PHF21A: variants seen among roughly 807,000 people sequenced by gnomAD.
PHF21A encodes BHC80a.
Under a neutral mutation model 82.5 loss-of-function variants are expected in PHF21A, and 11 were observed. The observed-to-expected ratio is 0.13, with a 90% CI of 0.08 to 0.22. The LOEUF (loss-of-function observed/expected upper bound fraction) is 0.22, where lower values mean the gene tolerates loss of function less well. Ranked by LOEUF, PHF21A falls within the 10% of genes least tolerant of loss-of-function variation. The pLI, the probability that PHF21A is intolerant of heterozygous loss-of-function variation, is 1.00. For missense variants in PHF21A, 579 were observed against 837.8 expected (o/e 0.69, Z 3.81); for synonymous variants, 297 against 302.8 (o/e 0.98, Z 0.20).
At chr11:46,010,065 C>T (rs1476635820) in intron 6 of PHF21A, among the ~76,000 whole-genome samples, 1 of 152,044 alleles carries the variant, frequency 6.6e-6, no homozygotes, top group Non-Finnish European at 1.5e-5. Context: ...GTTGCTTAAC[C>T]ATATCATACT....
intron 3 of PHF21A, among the ~76,000 whole-genome samples, chr11:46,086,433 A>G (rs1024979569): frequency 1.2e-4 from 18 of 152,176 alleles, no homozygotes; most frequent in Non-Finnish European, 1.5e-5. Context: ...ATTATCTTTT[A>G]AAATATTTGG....
chr11:45,956,033 C>T (rs1215247457), intron 10 of PHF21A, among the ~76,000 whole-genome samples: 1 of 152,048 alleles, frequency 6.6e-6, no homozygotes, highest in African/African-American at 2.4e-5. Context: ...AAGTGCTGAG[C>T]AAAAAAACCC....
intron 6 of PHF21A, among the ~76,000 whole-genome samples, chr11:45,988,431 C>T (rs1330376113): frequency 1.3e-5 from 2 of 152,138 alleles, no homozygotes; most frequent in East Asian, 1.9e-4. Context: ...ATTTGCCTTA[C>T]ATTTAAACAA....
intron 1 of PHF21A, among the ~76,000 whole-genome samples, chr11:46,099,174 C>T (rs940223857): frequency 7.9e-5 from 12 of 151,890 alleles, no homozygotes; most frequent in African/African-American, 2.9e-4. Flanking sequence ...TTAAAACAAC[C>T]AAATTTTAAA....
chr11:45,933,814 G>T lies in PHF21A; in HGVS notation c.*154C>A. 3.0e-6 allele frequency: 2 copies of T among 656,574 alleles called. No homozygotes were observed. The highest frequency in any genetic ancestry group is 2.5e-6 in the Non-Finnish European group (1 of 408,058). 40.7% of individuals were successfully genotyped at this position (656,574 alleles called of 1,614,324 possible). A position where few individuals can be genotyped will look rare whatever the true frequency, so the allele number is the denominator to read the frequency against. On this transcript the variant is annotated 3_prime_UTR_variant, in exon 19 of 19. Coordinates refer to ENST00000676320, the MANE Select transcript of PHF21A (RefSeq NM_001352027.3). ...TAAGAAGGATCAATTGGCAAACTCT[G>T]GTGCCACCTGGCACAAGCATCTTCT...
chr11:45,963,770 GTTCT>G (rs1197528577), intron 10 of PHF21A, among the ~76,000 whole-genome samples: 9 of 152,162 alleles, frequency 5.9e-5, no homozygotes, highest in Non-Finnish European at 1.3e-4. Flanking sequence ...CTCCTCAGAG[GTTCT>G]TTGAGAGCCA....
intron 9 of PHF21A, among the ~76,000 whole-genome samples, chr11:45,967,375 A>G (rs1281834203): frequency 6.6e-6 from 1 of 152,110 alleles, no homozygotes; most frequent in Non-Finnish European, 1.5e-5. Context: ...CTTAAAAAAA[A>G]AAAAAAAAAT....
At chr11:46,013,591 T>C (rs2095454669) in intron 6 of PHF21A, among the ~76,000 whole-genome samples, 1 of 152,166 alleles carries the variant, frequency 6.6e-6, no homozygotes, top group Non-Finnish European at 1.5e-5. Flanking sequence ...TGTTGCTTAA[T>C]AACAGGGATA....
chr11:45,982,154 G>A (rs1484855375), intron 6 of PHF21A, among the ~76,000 whole-genome samples: 4 of 151,654 alleles, frequency 2.6e-5, no homozygotes, highest in Admixed American at 6.6e-5. Context: ...ATGGGGTTTC[G>A]CCATGTTGCC....
intron 6 of PHF21A, among the ~76,000 whole-genome samples, chr11:46,012,685 T>C (rs1176274068): frequency 1.3e-5 from 2 of 152,204 alleles, no homozygotes; most frequent in Non-Finnish European, 2.9e-5. Context: ...TCTATATCTC[T>C]AGTGCTGGCC....
At position 45,946,065 on chromosome 11, in the gene PHF21A, A is replaced by T. The variant is rs1229776457; in HGVS notation, c.1289-62T>A. 3.1e-6 allele frequency: 5 copies of T among 1,614,032 alleles called. No individual in the cohort carries two copies. The East Asian group carries it at 8.9e-5, about 29-fold the overall frequency. ...GGGAGGGAAAGAGAGGGGGAAAATGATCTTACATACCTTTGGCCAGTGTTC... is the reference window on the plus strand; with the variant it reads ...GGGAGGGAAAGAGAGGGGGAAAATGTTCTTACATACCTTTGGCCAGTGTTC... On this transcript the variant is annotated intron_variant, in intron 14 of 18. Transcript: ENST00000676320.
intron 6 of PHF21A, among the ~76,000 whole-genome samples, chr11:46,071,757 TATC>T (rs2096659007): frequency 6.6e-6 from 1 of 151,500 alleles, no homozygotes; most frequent in Admixed American, 6.6e-5. Context: ...GGAAACACCC[TATC>T]ATCAAGAGAA....
At chr11:46,095,014 T>A (rs1164128269) in intron 1 of PHF21A, among the ~76,000 whole-genome samples, 1 of 152,216 alleles carries the variant, frequency 6.6e-6, no homozygotes, top group Non-Finnish European at 1.5e-5. Flanking sequence ...TCAGCATAGG[T>A]ACACCTTTCT....
At chr11:46,005,625 G>A (rs7926314) in intron 6 of PHF21A, among the ~76,000 whole-genome samples, 1 of 151,862 alleles carries the variant, frequency 6.6e-6, no homozygotes, top group Non-Finnish European at 1.5e-5. Flanking sequence ...AACTATCAAC[G>A]ATCCTTTTAC....
intron 4 of PHF21A, among the ~76,000 whole-genome samples, chr11:46,082,964 T>C (rs2096810681): frequency 6.6e-6 from 1 of 152,146 alleles, no homozygotes; most frequent in Non-Finnish European, 1.5e-5. Context: ...TCCACACAAA[T>C]TTCAGATTGA....
chr11:46,000,983 C>T (rs1380479107), intron 6 of PHF21A, among the ~76,000 whole-genome samples: 5 of 151,940 alleles, frequency 3.3e-5, no homozygotes, highest in African/African-American at 9.7e-5. Flanking sequence ...CATTGTTTCA[C>T]GTTCAGAGGT....
chr11:45,974,638 A>T (rs1287128996), intron 7 of PHF21A, among the ~76,000 whole-genome samples: 1 of 151,784 alleles, frequency 6.6e-6, no homozygotes, highest in Non-Finnish European at 1.5e-5. Flanking sequence ...TATTTTTAGT[A>T]GAGACGTGAT....
intron 6 of PHF21A, chr11:46,049,345 T>C: frequency 2.3e-6 from 1 of 430,652 alleles, no homozygotes; most frequent in Middle Eastern, 3.4e-4. Context: ...TGAAATTTCT[T>C]ATGCCCTCAC....
intron 7 of PHF21A, among the ~76,000 whole-genome samples, chr11:45,977,131 CTTTGATTTT>C (rs1200687797): frequency 6.7e-6 from 1 of 150,062 alleles, no homozygotes. Flanking sequence ...GAAATGCTTC[CTTTGATTTT>C]TTTTTTTTTT....
Sources: allele counts gnomAD v4.1 joint callset (sites outside exome capture counted in the v4.1 genomes callset), GRCh38; gene constraint gnomAD v4.1.1; transcripts MANE v1.5; gene names NCBI Gene and HGNC (gene_info 2026-07-23, HGNC 2026-07-21).